The following CNTNAP2 variants were observed in gnomAD, a reference collection of about 807,000 sequenced individuals.
CNTNAP2 encodes contactin associated protein 2, also known as contactin-associated protein-like 2.
In CNTNAP2, 98 loss-of-function variants were observed where a neutral mutation model predicts 155.2. The observed-to-expected ratio is 0.63, with a 90% CI of 0.54 to 0.75. The LOEUF is 0.75. Ranked by LOEUF, CNTNAP2 falls within the 30% of genes least tolerant of loss-of-function variation. CNTNAP2 has a pLI of 0.00. For synonymous variants in CNTNAP2, 651 were observed against 631.2 expected (o/e 1.03, Z -0.47); for missense variants, 1,727 against 1,688.1 (o/e 1.02, Z -0.40).
chr7:146,437,115 T>A (rs982182811), intron 1 of CNTNAP2, among the ~76,000 whole-genome samples: 5 of 151,376 alleles, frequency 3.3e-5, no homozygotes, highest in African/African-American at 2.5e-5. Flanking sequence ...TAGGTTCTCA[T>A]AGGAGCGTGA....
chr7:147,586,860 G>C (rs989731046), intron 12 of CNTNAP2, among the ~76,000 whole-genome samples: 1 of 152,120 alleles, frequency 6.6e-6, no homozygotes, highest in African/African-American at 2.4e-5. Flanking sequence ...TGGGCTACCT[G>C]TGGCCTGGCA....
intron 9 of CNTNAP2, among the ~76,000 whole-genome samples, chr7:147,319,266 A>G (rs370352482): frequency 6.6e-6 from 1 of 152,248 alleles, no homozygotes; most frequent in African/African-American, 2.4e-5. Context: ...CATTAAGTAT[A>G]TATACATTTT....
intron 21 of CNTNAP2, among the ~76,000 whole-genome samples, chr7:148,330,415 A>G (rs1797969380): frequency 6.6e-6 from 1 of 150,454 alleles, no homozygotes; most frequent in East Asian, 2.0e-4. Flanking sequence ...GAGTGGACAG[A>G]TGGATGGAGT....
At chr7:147,883,311 T>C (rs1196084441) in intron 13 of CNTNAP2, among the ~76,000 whole-genome samples, 2 of 152,214 alleles carry the variant, frequency 1.3e-5, no homozygotes, top group Admixed American at 1.3e-4. Flanking sequence ...GTTTACTCTT[T>C]TTTTTGAGAC....
chr7:146,644,320 A>AT (rs1334049114), intron 1 of CNTNAP2, among the ~76,000 whole-genome samples: 2 of 152,188 alleles, frequency 1.3e-5, no homozygotes, highest in East Asian at 3.9e-4. Flanking sequence ...TTATTTTGAG[A>AT]TATGTCCCAT....
At chr7:147,898,807 C>T (rs954366819) in intron 13 of CNTNAP2, among the ~76,000 whole-genome samples, 3 of 152,130 alleles carry the variant, frequency 2.0e-5, no homozygotes, top group Non-Finnish European at 4.4e-5. Flanking sequence ...TGTGAGCCAC[C>T]ACGTCCAGCC....
At chr7:146,196,566 A>G (rs1282837356) in intron 1 of CNTNAP2, among the ~76,000 whole-genome samples, 1 of 150,122 alleles carries the variant, frequency 6.7e-6, no homozygotes, top group African/African-American at 2.4e-5. Context: ...GGAGGGAGGG[A>G]GAGAGAGAGA....
At position 147,480,945 on chromosome 7, in the gene CNTNAP2, G is replaced by T. The variant is rs137985212; in HGVS notation, c.1671-4990G>T. Among the ~76,000 whole-genome samples, 689 of 152,220 alleles carry T rather than the reference G, an allele frequency of 4.5e-3. 3 individuals are homozygous for T. The highest frequency in any genetic ancestry group is 0.016 in the African/African-American group (655 of 41,544). On this transcript the variant is annotated intron_variant, in intron 10 of 23. Coordinates refer to ENST00000361727, the MANE Select transcript of CNTNAP2 (RefSeq NM_014141.6). The stretch of plus-strand genomic sequence containing the variant: ...TCAAGAGATTCCTATGCACACAAAG[G>T]TTTGAGAAACACTACTTTTGAGTGC...
chr7:146,770,776 T>C lies in CNTNAP2; in HGVS notation c.98-3495T>C, dbSNP rs571340757. ...TGTTTAATGTAATAACTCTAAACTA[T>C]ATTATGGTTTTATAAATGCTACATA... On this transcript the variant is annotated intron_variant, in intron 1 of 23. Transcript: ENST00000361727. 1.7e-4 allele frequency among the ~76,000 whole-genome samples: 26 copies of C among 152,294 alleles called. No homozygotes were observed. In the East Asian group the frequency reaches 4.1e-3, roughly 24 times the overall value.
chr7:148,200,420 T>A (rs909367196), intron 18 of CNTNAP2, among the ~76,000 whole-genome samples: 1 of 151,498 alleles, frequency 6.6e-6, no homozygotes, highest in Non-Finnish European at 1.5e-5. Flanking sequence ...TTTTTTTTTT[T>A]AAAGACCTCT....
chr7:147,312,841 A>T (rs1202617961), intron 9 of CNTNAP2, among the ~76,000 whole-genome samples: 1 of 124,506 alleles, frequency 8.0e-6, no homozygotes, highest in Non-Finnish European at 1.6e-5. Flanking sequence ...CGCCACACTG[A>T]CTTCCACAAT....
At chr7:146,628,629 T>TA (rs936245406) in intron 1 of CNTNAP2, among the ~76,000 whole-genome samples, 2 of 151,866 alleles carry the variant, frequency 1.3e-5, no homozygotes, top group African/African-American at 2.4e-5. Flanking sequence ...TTTTAAAAAA[T>TA]AAAAAAATGA....
chr7:147,579,043 A>G (rs2116823113), intron 12 of CNTNAP2, among the ~76,000 whole-genome samples: 1 of 152,244 alleles, frequency 6.6e-6, no homozygotes, highest in East Asian at 1.9e-4. Context: ...CATTGCTTAC[A>G]CTTCCCAGTC....
At chr7:147,498,911 T>C (rs752238124) in intron 11 of CNTNAP2, among the ~76,000 whole-genome samples, 7 of 152,082 alleles carry the variant, frequency 4.6e-5, no homozygotes, top group Non-Finnish European at 7.4e-5. Flanking sequence ...TGGGCTCACA[T>C]TGACACTTGA....
At chr7:148,124,162 G>T (rs1280943571) in intron 16 of CNTNAP2, among the ~76,000 whole-genome samples, 2 of 152,280 alleles carry the variant, frequency 1.3e-5, no homozygotes, top group African/African-American at 2.4e-5. Flanking sequence ...ACCCAGCATC[G>T]CAGCACCTCA....
chr7:146,344,446 C>T (rs1435651938), intron 1 of CNTNAP2, among the ~76,000 whole-genome samples: 1 of 151,652 alleles, frequency 6.6e-6, no homozygotes, highest in East Asian at 1.9e-4. Flanking sequence ...TCTGTTAATT[C>T]TCCCATATAT....
intron 12 of CNTNAP2, among the ~76,000 whole-genome samples, chr7:147,575,115 G>A (rs879596487): frequency 0.23 from 32,404 of 140,942 alleles, 4,443 homozygotes; most frequent in East Asian, 0.35. Flanking sequence ...AAATGTGTGT[G>A]TGTGTGTGTG....
At chr7:146,213,845 T>C (rs961423053) in intron 1 of CNTNAP2, among the ~76,000 whole-genome samples, 2 of 152,236 alleles carry the variant, frequency 1.3e-5, no homozygotes, top group Admixed American at 6.5e-5. Flanking sequence ...TCATTGTTTT[T>C]CCATGGAATT....
intron 1 of CNTNAP2, among the ~76,000 whole-genome samples, chr7:146,322,013 A>G (rs139877884): frequency 0.021 from 3,183 of 152,274 alleles, 69 homozygotes; most frequent in East Asian, 0.028. Flanking sequence ...TTATTGTTTT[A>G]GTACAGGTCA....
Sources: allele counts gnomAD v4.1 joint callset (sites outside exome capture counted in the v4.1 genomes callset), GRCh38; gene constraint gnomAD v4.1.1; transcripts MANE v1.5; gene names NCBI Gene and HGNC (gene_info 2026-07-23, HGNC 2026-07-21).